GAS6: variants seen among roughly 807,000 people sequenced by gnomAD.
GAS6 encodes the protein growth arrest specific 6.
GAS6 carries 41 observed loss-of-function variants against 75.8 expected under a neutral mutation model. The observed-to-expected ratio is 0.54, with a 90% CI of 0.42 to 0.70. The LOEUF is 0.70. GAS6 is among the 30% of genes least tolerant of loss of function. The pLI, the probability that GAS6 is intolerant of heterozygous loss-of-function variation, is 0.00. For missense variants in GAS6, 854 were observed against 940.2 expected (o/e 0.91, Z 1.20); for synonymous variants, 432 against 412.6 (o/e 1.05, Z -0.57).
In GAS6 at chr13:113,864,041, G is replaced by A. The variant is rs1594213477; in HGVS notation, c.-121C>T. ...CTGAAGGTCACATCGCGGCGGCGGCGGCGGCGGCGGCTGCGGCACCTCAAG... is the reference window on the plus strand; with the variant it reads ...CTGAAGGTCACATCGCGGCGGCGGCAGCGGCGGCGGCTGCGGCACCTCAAG... On this transcript the variant is annotated 5_prime_UTR_variant, in exon 1 of 15. Transcript: ENST00000327773. 1.0e-6 allele frequency: 1 copy of A among 969,614 alleles called. No homozygotes were observed. Among genetic ancestry groups the A allele is most frequent in the Non-Finnish European group, 1.2e-6 (1 of 811,976 alleles). 60.1% of individuals were successfully genotyped at this position (969,614 alleles called of 1,614,324 possible). A position where few individuals can be genotyped will look rare whatever the true frequency, so the allele number is the denominator to read the frequency against.
intron 2 of GAS6, among the ~76,000 whole-genome samples, chr13:113,855,780 G>A (rs1281729938): frequency 2.6e-5 from 4 of 152,160 alleles, no homozygotes; most frequent in Non-Finnish European, 5.9e-5. Context: ...AAGAGTGCAC[G>A]CAAGCAGAAA....
chr13:113,835,829 T>C, intron 6 of GAS6, 194 bp from the exon 7 acceptor site: 1 of 1,375,616 alleles, frequency 7.3e-7, no homozygotes. Context: ...TGCACGCTTC[T>C]GATCAAGGCC....
intron 3 of GAS6, chr13:113,847,002 G>T: frequency 2.0e-6 from 1 of 506,160 alleles, no homozygotes. Flanking sequence ...GCCCCTCCAT[G>T]CTCTCTGGCT....
Position 113,863,698 on chromosome 13 carries a change from G to A in GAS6, c.132C>T (p.Pro44=). ...AGACCTGAAAGGCGCGGCGCTGCCTGGGCCGCAGGAACTGCGTGGCCTCGC... is the reference window on the plus strand; with the variant it reads ...AGACCTGAAAGGCGCGGCGCTGCCTAGGCCGCAGGAACTGCGTGGCCTCGC... The part of the protein sequence containing the change: ...PAREATQFLR[P]RQRRAFQVFE... The change falls in exon 2 of 15, where the codon CCC becomes CCT. Residue 44 remains proline, a synonymous_variant. Transcript: ENST00000327773. This position sits in a 1 kb window ranked among gnomAD's most constrained non-coding sequence, Gnocchi z 9.4. 2 of 1,514,234 alleles carry A rather than the reference G, an allele frequency of 1.3e-6. No individual in the cohort carries two copies. The highest frequency in any genetic ancestry group is 1.2e-5 in the South Asian group (1 of 81,096). 93.8% of individuals were successfully genotyped at this position (1,514,234 alleles called of 1,614,324 possible).
Position 113,823,448 on chromosome 13 carries a change from G to A in GAS6, c.1580C>T (p.Ala527Val), listed in dbSNP as rs144928601. The change falls in exon 13 of 15, where the codon GCC (alanine) becomes GTC (valine). Residue 527 changes from alanine to valine, a missense_variant. Coordinates refer to ENST00000327773, the MANE Select transcript of GAS6 (RefSeq NM_000820.4). ...GAGAGGCACGGCACGGAGGTCGGGG[G>A]CCCAGAGCGCAAACAGCACGCCTGT... Reference protein sequence around the residue: ...ADTGVLFALWAPDLRAVPLSV... With the variant: ...ADTGVLFALWVPDLRAVPLSV... 6.7e-5 allele frequency: 108 copies of A among 1,612,782 alleles called. No individual in the cohort carries two copies. In the African/African-American group the frequency reaches 1.4e-3, roughly 21 times the overall value.
At chr13:113,828,509 A>T in intron 11 of GAS6, 38 bp downstream of exon 11, 1 of 1,585,092 alleles carries the variant, frequency 6.3e-7, no homozygotes, top group Non-Finnish European at 8.6e-7. Flanking sequence ...GGATCCCAGC[A>T]CACGGCGCGT....
chr13:113,822,204 G>A lies in GAS6; in HGVS notation c.1654-18C>T, dbSNP rs1453814721. 3 of 1,511,690 alleles carry A rather than the reference G, an allele frequency of 2.0e-6. No individual in the cohort carries two copies. Among genetic ancestry groups the A allele is most frequent in the Non-Finnish European group, 2.7e-6 (3 of 1,120,626 alleles). 93.6% of individuals were successfully genotyped at this position (1,511,690 alleles called of 1,614,324 possible). A position where few individuals can be genotyped will look rare whatever the true frequency, so the allele number is the denominator to read the frequency against. On this transcript the variant is annotated intron_variant, in intron 13 of 14. Coordinates refer to ENST00000327773, the MANE Select transcript of GAS6 (RefSeq NM_000820.4). ...ACCACCAGCTGCAGGAGACCGAGGT[G>A]TGGTCAGGGCCTGCCGGCCACCCCT...
chr13:113,856,085 G>A (rs2051911986), intron 2 of GAS6, among the ~76,000 whole-genome samples: 1 of 152,218 alleles, frequency 6.6e-6, no homozygotes, highest in African/African-American at 2.4e-5. Context: ...CATTTATGGT[G>A]GAGCCATGGG....
chr13:113,820,667 C>T lies in GAS6; in HGVS notation c.*197G>A. The T allele has an allele frequency of 1.6e-6, 1 of 612,770 alleles. No homozygotes were observed. Among genetic ancestry groups the T allele is most frequent in the Non-Finnish European group, 2.8e-6 (1 of 357,196 alleles). The allele number at this position is 612,770 out of a possible 1,614,324, so 38.0% of individuals were successfully genotyped here. A position where few individuals can be genotyped will look rare whatever the true frequency, so the allele number is the denominator to read the frequency against. ...GCCCGCTCTGCGCTGCGCCGGCCTC[C>T]CCGCGCCCGGGCCCACGGCTGAGTG... is the stretch of plus-strand genomic sequence containing the variant. On this transcript the variant is annotated 3_prime_UTR_variant, in exon 15 of 15. Coordinates refer to ENST00000327773, the MANE Select transcript of GAS6 (RefSeq NM_000820.4).
At chr13:113,830,958 G>A (rs2051623293) in intron 10 of GAS6, among the ~76,000 whole-genome samples, 1 of 152,280 alleles carries the variant, frequency 6.6e-6, no homozygotes, top group African/African-American at 2.4e-5. Flanking sequence ...CCTTTAAGAG[G>A]TTGGGAAAAA....
At chr13:113,860,162 C>G (rs530489034) in intron 2 of GAS6, among the ~76,000 whole-genome samples, 1 of 152,260 alleles carries the variant, frequency 6.6e-6, no homozygotes, top group Non-Finnish European at 1.5e-5. Context: ...CAGAGGGAGA[C>G]AAAGAAAGAG....
chr13:113,829,954 G>C (rs911764132), intron 10 of GAS6, among the ~76,000 whole-genome samples: 3 of 152,210 alleles, frequency 2.0e-5, no homozygotes, highest in Non-Finnish European at 2.9e-5. Context: ...CCTGAGCCAA[G>C]AGGGACCTGA....
rs1468616729 is a variant in GAS6 at position 113,826,673 on chromosome 13, TTCTCTCCCCCGCCTCCTGGCGCC to T, written c.1477+300_1477+322del. ...TCCTGGCGCCGGCCTCGCAGGCACCTTCTCTCCCCCGCCTCCTGGCGCCGGCCTCGCAGGCACCTTCTCTCCCC... is the reference window on the plus strand; with the variant it reads ...TCCTGGCGCCGGCCTCGCAGGCACCTGGCCTCGCAGGCACCTTCTCTCCCC... On this transcript the variant is annotated intron_variant, in intron 12 of 14. Transcript: ENST00000327773. Among the ~76,000 whole-genome samples the T allele has an allele frequency of 5.6e-4, 63 of 113,360 alleles. 5 individuals are homozygous for T. The highest frequency in any genetic ancestry group is 2.2e-3 in the African/African-American group (57 of 26,016). The allele number at this position is 113,360 out of a possible 152,430, so 74.4% of individuals were successfully genotyped here.
intron 4 of GAS6, chr13:113,842,158 C>T (rs1158111893): frequency 1.5e-5 from 2 of 134,992 alleles, no homozygotes; most frequent in African/African-American, 7.7e-5. Context: ...TTCCTCCATA[C>T]ACCTCAGTTT....
intron 4 of GAS6, among the ~76,000 whole-genome samples, 180 bp downstream of exon 4, chr13:113,846,347 A>G (rs2138654851): frequency 6.6e-6 from 1 of 152,376 alleles, no homozygotes; most frequent in Admixed American, 6.5e-5. Flanking sequence ...GCCTATTGCT[A>G]AAAACGTCAA....
rs374910916 is a variant in GAS6 at position 113,822,114 on chromosome 13, C to T, written c.1726G>A (p.Val576Met). ...CCGTCCCTCAGCGAGACGGTGACCA[C>T]GTGCTCTTGGCCGTCGCAGACCTTG... ...EIKVCDGQEH[V>M]VTVSLRDGEA... The change falls in exon 14 of 15, where the codon GTG becomes ATG. Residue 576 changes from valine to methionine, a missense_variant. Val to Met is a conservative substitution (Grantham distance 21). Transcript: ENST00000327773. The T allele has an allele frequency of 1.6e-5, 25 of 1,601,056 alleles. No individual in the cohort carries two copies. The highest frequency in any genetic ancestry group is 3.4e-5 in the Admixed American group (2 of 57,994).
intron 13 of GAS6, chr13:113,823,114 G>A: frequency 2.4e-6 from 1 of 412,926 alleles, no homozygotes; most frequent in Non-Finnish European, 4.3e-6. Context: ...AACCGAACAG[G>A]GGAAAAGCTC....
At position 113,835,508 on chromosome 13, in the gene GAS6, G is replaced by GGTACCT; in HGVS notation, c.711_712+4dup. The stretch of plus-strand genomic sequence containing the variant: ...AAAGCGAGGGTGACCGCGTGGCGTG[G>GGTACCT]GTACCTCGGCAAGCCTTCTCCTGGG... On this transcript the variant is annotated splice_donor_region_variant and intron_variant, in intron 7 of 14. Transcript: ENST00000327773. The GGTACCT allele has an allele frequency of 6.2e-7, 1 of 1,612,234 alleles. No homozygotes were observed.
At chr13:113,851,151 A>AAATG (rs927680287) in intron 2 of GAS6, among the ~76,000 whole-genome samples, 1 of 151,914 alleles carries the variant, frequency 6.6e-6, no homozygotes. Context: ...ATGGATGGAT[A>AAATG]AATGAATGAG....
Sources: allele counts gnomAD v4.1 joint callset (sites outside exome capture counted in the v4.1 genomes callset), GRCh38; gene constraint gnomAD v4.1.1; non-coding constraint Gnocchi (gnomAD v3.1); transcripts MANE v1.5; gene names NCBI Gene and HGNC (gene_info 2026-07-23, HGNC 2026-07-21).